Variants in PDE10A observed in about 807,000 individuals in gnomAD.
PDE10A encodes cAMP and cAMP-inhibited cGMP 3',5'-cyclic phosphodiesterase 10A.
A neutral mutation model predicts 97.7 loss-of-function variants in PDE10A; 39 were observed. The ratio of observed to expected loss-of-function variants is 0.40; its 90% CI spans 0.31 to 0.52. The LOEUF (loss-of-function observed/expected upper bound fraction) is 0.52, where lower values mean the gene tolerates loss of function less well. PDE10A is among the 20% of genes least tolerant of loss of function. PDE10A has a pLI of 0.56. For synonymous variants in PDE10A, 371 were observed against 376.8 expected, an observed-to-expected ratio of 0.98 and a Z score of 0.18; for missense variants, 731 against 1,047.8, an observed-to-expected ratio of 0.70 and a Z score of 4.17.
chr6:165,401,884 T>C lies in PDE10A; in HGVS notation c.2077-5425A>G, dbSNP rs947962354. Among the ~76,000 whole-genome samples, 5 of 152,324 alleles carry C rather than the reference T, an allele frequency of 3.3e-5. No individual in the cohort carries two copies. The East Asian group carries it at 9.6e-4, about 29-fold the overall frequency. On this transcript the variant is annotated intron_variant, in intron 13 of 21. Coordinates refer to ENST00000539869, the MANE Select transcript of PDE10A (RefSeq NM_001385079.1). ...GTTTTCACATTGTCCTCATATACCT[T>C]AATGGAATGTCACTTGCTTTCCACT...
chr6:165,861,648 G>A (rs576886257), intron 1 of PDE10A, among the ~76,000 whole-genome samples: 2 of 152,102 alleles, frequency 1.3e-5, no homozygotes, highest in Non-Finnish European at 2.9e-5. Context: ...CGCTGGGAAG[G>A]GGAGCAGAGA....
chr6:165,519,579 T>C (rs1782014003), intron 2 of PDE10A, among the ~76,000 whole-genome samples: 1 of 152,158 alleles, frequency 6.6e-6, no homozygotes, highest in Non-Finnish European at 1.5e-5. Flanking sequence ...AAATACTCCC[T>C]GCTGCTCAAT....
chr6:165,851,835 A>G (rs754842878), intron 1 of PDE10A, among the ~76,000 whole-genome samples: 5 of 152,212 alleles, frequency 3.3e-5, no homozygotes, highest in Non-Finnish European at 7.3e-5. Flanking sequence ...TCATGCCTGT[A>G]ATCCCAGCAC....
At chr6:165,973,636 G>A (rs773718993) in intron 1 of PDE10A, among the ~76,000 whole-genome samples, 2 of 152,130 alleles carry the variant, frequency 1.3e-5, no homozygotes, top group South Asian at 4.2e-4. Context: ...GGCTGTGATC[G>A]CTGAAGAGGC....
rs183282967 is a variant in PDE10A at position 165,751,800 on chromosome 6, C to T, written c.-614-208232G>A. ...TTCCTAGAAAGTTATAAATAACCCA[C>T]CCCTCAATTTGCATGCACCTGTCCC... On this transcript the variant is annotated intron_variant, in intron 1 of 19. Coordinates refer to the PDE10A transcript ENST00000366882. 3.4e-4 allele frequency among the ~76,000 whole-genome samples: 52 copies of T among 152,154 alleles called. 3 individuals carry two copies. The East Asian group carries it at 6.4e-3, about 19-fold the overall frequency.
intron 1 of PDE10A, among the ~76,000 whole-genome samples, chr6:165,687,799 C>T (rs1288735511): frequency 1.3e-5 from 2 of 152,200 alleles, no homozygotes. Context: ...ATGGTGTTTA[C>T]TCTTTGCCAG....
intron 1 of PDE10A, among the ~76,000 whole-genome samples, chr6:165,973,963 G>GT (rs1252774583): frequency 6.6e-6 from 1 of 152,264 alleles, no homozygotes; most frequent in Admixed American, 6.5e-5. Flanking sequence ...AAGCAAGATA[G>GT]TTTTATCCTT....
chr6:165,604,535 A>AAAAAAAAAG (rs1787118543), intron 1 of PDE10A, among the ~76,000 whole-genome samples: 1 of 147,120 alleles, frequency 6.8e-6, no homozygotes, highest in Non-Finnish European at 1.5e-5. Flanking sequence ...AAAAAAAAAA[A>AAAAAAAAAG]GTGTTACTAT....
intron 2 of PDE10A, among the ~76,000 whole-genome samples, chr6:165,501,434 G>A (rs944707487): frequency 2.6e-5 from 4 of 152,104 alleles, no homozygotes; most frequent in South Asian, 2.1e-4. Flanking sequence ...GGTGGCGGGC[G>A]CCTGTAGTCC....
intron 1 of PDE10A, among the ~76,000 whole-genome samples, chr6:165,974,607 G>A (rs1784795648): frequency 1.3e-5 from 2 of 152,230 alleles, no homozygotes; most frequent in Admixed American, 6.5e-5. Context: ...GATAAAGAGT[G>A]CAGAACCTGA....
intron 1 of PDE10A, chr6:165,986,265 T>TC: frequency 6.6e-6 from 1 of 152,336 alleles, no homozygotes. Context: ...CCCCTGGCCC[T>TC]CCCCCCTCGG....
At chr6:165,691,581 G>GCA (rs1222849948) in intron 1 of PDE10A, among the ~76,000 whole-genome samples, 13 of 80,186 alleles carry the variant, frequency 1.6e-4, no homozygotes, top group Admixed American at 1.1e-3. Context: ...GCGCACGCAT[G>GCA]CACGCGCGCG....
chr6:165,734,720 C>A (rs892288928), intron 1 of PDE10A, among the ~76,000 whole-genome samples: 11 of 152,064 alleles, frequency 7.2e-5, no homozygotes, highest in African/African-American at 2.7e-4. Context: ...AGTTAAGAGA[C>A]ATGGGTACAG....
intron 19 of PDE10A, 102 bp from the exon 20 acceptor site, chr6:165,339,460 A>T: frequency 1.3e-6 from 1 of 767,136 alleles, no homozygotes; most frequent in South Asian, 1.6e-5. Context: ...TTTCTTCAAA[A>T]CAAATAATGT....
chr6:165,963,552 C>T (rs1007448647), intron 1 of PDE10A, among the ~76,000 whole-genome samples: 2 of 152,132 alleles, frequency 1.3e-5, no homozygotes, highest in African/African-American at 4.8e-5. Flanking sequence ...CAACATCTAC[C>T]CCAGTGGACT....
At position 165,526,176 on chromosome 6, in the gene PDE10A, T is replaced by C. The variant is rs529245626; in HGVS notation, c.994+17264A>G. ...TGGGGAAAGGAAATGATCAGACCTT[T>C]TGGGTACTAGTGGACACTGGCTCTG... On this transcript the variant is annotated intron_variant, in intron 2 of 21. Transcript: ENST00000539869. 5.9e-5 allele frequency among the ~76,000 whole-genome samples: 9 copies of C among 152,278 alleles called. No individual in the cohort carries two copies. The East Asian group carries it at 1.4e-3, about 23-fold the overall frequency.
intron 1 of PDE10A, among the ~76,000 whole-genome samples, chr6:165,771,379 G>A (rs1316418400): frequency 6.6e-6 from 1 of 151,794 alleles, no homozygotes; most frequent in Non-Finnish European, 1.5e-5. Flanking sequence ...TCCAGCTCGG[G>A]GCTCCTGCTC....
At chr6:165,941,865 C>T (rs1783534421) in intron 1 of PDE10A, among the ~76,000 whole-genome samples, 1 of 152,190 alleles carries the variant, frequency 6.6e-6, no homozygotes, top group Admixed American at 6.5e-5. Context: ...CCACCTTTCA[C>T]CTGCAGAGCC....
At chr6:165,446,238 A>T (rs1790840171) in intron 5 of PDE10A, among the ~76,000 whole-genome samples, 1 of 152,248 alleles carries the variant, frequency 6.6e-6, no homozygotes, top group Non-Finnish European at 1.5e-5. Flanking sequence ...ACACAAACAC[A>T]AACTGAGAGT....
Sources: gnomAD v4.1 joint callset for allele counts (sites outside exome capture counted in the v4.1 genomes callset) on GRCh38, gnomAD v4.1.1 for gene constraint, MANE v1.5 for transcripts, NCBI Gene and HGNC (gene_info 2026-07-23, HGNC 2026-07-21) for gene names.